The following TRIM55 variants were observed in gnomAD, a reference collection of about 807,000 sequenced individuals.
TRIM55 encodes the protein tripartite motif-containing protein 55.
TRIM55 carries 50 observed loss-of-function variants against 60.9 expected under a neutral mutation model. The ratio of observed to expected loss-of-function variants is 0.82; its 90% CI spans 0.65 to 1.04. The LOEUF (loss-of-function observed/expected upper bound fraction) is 1.04, where lower values mean the gene tolerates loss of function less well. Ranked by LOEUF, TRIM55 falls within the 50% of genes least tolerant of loss-of-function variation. TRIM55 has a pLI of 0.00. For missense variants in TRIM55, 681 were observed against 666.9 expected, an observed-to-expected ratio of 1.02 and a Z score of -0.23; for synonymous variants, 237 against 238.1, an observed-to-expected ratio of 1.00 and a Z score of 0.04.
intron 4 of TRIM55, among the ~76,000 whole-genome samples, chr8:66,138,842 G>A (rs1350593609): frequency 6.6e-6 from 1 of 152,190 alleles, no homozygotes; most frequent in African/African-American, 2.4e-5. Flanking sequence ...CACAGTGCCT[G>A]GCATGTGGTG....
intron 9 of TRIM55, among the ~76,000 whole-genome samples, chr8:66,169,625 T>C (rs1368610630): frequency 6.6e-6 from 1 of 150,608 alleles, no homozygotes; most frequent in Non-Finnish European, 1.5e-5. Context: ...GAAGCATAAA[T>C]ACAAGACATT....
chr8:66,133,683 C>CTAATCTCAAGTAATTGACGT (rs1280823608), intron 2 of TRIM55, among the ~76,000 whole-genome samples: 28 of 152,278 alleles, frequency 1.8e-4, no homozygotes, highest in African/African-American at 6.5e-4. Flanking sequence ...AATGTTTAGC[C>CTAATCTCAAGTAATTGACGT]TAATCTCAAG....
intron 4 of TRIM55, among the ~76,000 whole-genome samples, chr8:66,146,208 G>A (rs191638011): frequency 3.3e-5 from 5 of 152,086 alleles, no homozygotes; most frequent in East Asian, 1.9e-4. Context: ...AGCATAGACC[G>A]CATATGGGGT....
At chr8:66,131,401 T>A (rs1175053122) in intron 2 of TRIM55, among the ~76,000 whole-genome samples, 1 of 152,234 alleles carries the variant, frequency 6.6e-6, no homozygotes, top group Non-Finnish European at 1.5e-5. Context: ...TTATCACCAA[T>A]GACATGTGCA....
intron 9 of TRIM55, among the ~76,000 whole-genome samples, chr8:66,157,073 G>C (rs1056684215): frequency 2.0e-5 from 3 of 152,128 alleles, no homozygotes; most frequent in South Asian, 2.1e-4. Context: ...CTGAGAATTC[G>C]GGTTTAGGGC....
intron 6 of TRIM55, 29 bp downstream of exon 6, chr8:66,150,268 G>C (rs908736460): frequency 6.2e-7 from 1 of 1,612,624 alleles, no homozygotes; most frequent in South Asian, 1.1e-5. Context: ...ATGTAAAAAT[G>C]CATATTTTCA....
intron 4 of TRIM55, among the ~76,000 whole-genome samples, chr8:66,148,382 A>G (rs1810219938): frequency 6.6e-6 from 1 of 152,262 alleles, no homozygotes; most frequent in South Asian, 2.1e-4. Flanking sequence ...ATTCTTAGGC[A>G]GTATTGGATA....
intron 9 of TRIM55, among the ~76,000 whole-genome samples, chr8:66,168,777 T>C (rs1811460053): frequency 6.6e-6 from 1 of 152,202 alleles, no homozygotes; most frequent in Non-Finnish European, 1.5e-5. Context: ...TGGCGTAAAT[T>C]TCCTCAAGGC....
chr8:66,116,923 G>A, the TRIM55 span, among the ~76,000 whole-genome samples: 1 of 152,126 alleles, frequency 6.6e-6, no homozygotes, highest in South Asian at 2.1e-4. Context: ...TTTTAGCTAA[G>A]TAAATCCAAC....
At chr8:66,172,458 CATTGGTCCAT>C (rs1811696058) in intron 9 of TRIM55, among the ~76,000 whole-genome samples, 1 of 152,162 alleles carries the variant, frequency 6.6e-6, no homozygotes, top group African/African-American at 2.4e-5. Flanking sequence ...TGAAAGATAG[CATTGGTCCAT>C]ATTGTTTGGA....
chr8:66,123,136 A>G (rs950176356), upstream of TRIM55, among the ~76,000 whole-genome samples: 1 of 152,210 alleles, frequency 6.6e-6, no homozygotes, highest in Non-Finnish European at 1.5e-5. Context: ...ATATCTTACT[A>G]TAAATTCCAG....
At position 66,127,352 on chromosome 8, in the gene TRIM55, C is replaced by A; in HGVS notation, c.84C>A (p.Ile28=). The stretch of plus-strand genomic sequence containing the variant: ...TAGAGAAGCAACTCATCTGTCCCAT[C>A]TGCTTAGAGATGTTCACGAAACCTG... ...DNLEKQLICP[I]CLEMFTKPVV... The change falls in exon 1 of 10, where the codon ATC becomes ATA. Residue 28 remains isoleucine, a synonymous_variant. Transcript: ENST00000315962. 3 of 1,614,166 alleles carry A rather than the reference C, an allele frequency of 1.9e-6. No homozygotes were observed. The highest frequency in any genetic ancestry group is 2.5e-6 in the Non-Finnish European group (3 of 1,180,030).
chr8:66,124,323 C>T (rs1159102013), upstream of TRIM55, among the ~76,000 whole-genome samples: 2 of 152,220 alleles, frequency 1.3e-5, no homozygotes, highest in Non-Finnish European at 2.9e-5. Context: ...CTTTTAACGA[C>T]TTCCTGCTGC....
intron 9 of TRIM55, among the ~76,000 whole-genome samples, chr8:66,173,659 A>G (rs1811762913): frequency 6.6e-6 from 1 of 152,174 alleles, no homozygotes; most frequent in Admixed American, 6.5e-5. Context: ...CTTGAAATGT[A>G]AAGAGTTTGA....
At chr8:66,132,452 C>CA (rs1239453419) in intron 2 of TRIM55, among the ~76,000 whole-genome samples, 3 of 151,826 alleles carry the variant, frequency 2.0e-5, no homozygotes, top group South Asian at 2.1e-4. Flanking sequence ...AACTCCATCT[C>CA]AAAAAAAATA....
chr8:66,161,115 T>C (rs1811027082), intron 9 of TRIM55, among the ~76,000 whole-genome samples: 1 of 152,068 alleles, frequency 6.6e-6, no homozygotes, highest in African/African-American at 2.4e-5. Context: ...TCTAGAAGGG[T>C]TTTTCTGATG....
At chr8:66,171,216 T>C (rs974330246) in intron 9 of TRIM55, among the ~76,000 whole-genome samples, 14 of 152,168 alleles carry the variant, frequency 9.2e-5, no homozygotes, top group Non-Finnish European at 1.9e-4. Flanking sequence ...TAGTTGTTTT[T>C]CCTGATTCTC....
intron 9 of TRIM55, among the ~76,000 whole-genome samples, chr8:66,169,343 A>G (rs1811494024): frequency 6.6e-6 from 1 of 152,208 alleles, no homozygotes; most frequent in East Asian, 1.9e-4. Context: ...GATCCTGGGG[A>G]CTAATCTGCA....
the TRIM55 span, chr8:66,113,468 C>T: frequency 2.6e-5 from 12 of 455,134 alleles, no homozygotes; most frequent in Middle Eastern, 3.3e-4. Flanking sequence ...GAGACAAGTG[C>T]GGTTTTTTTC....
Sources: allele counts gnomAD v4.1 joint callset (sites outside exome capture counted in the v4.1 genomes callset), GRCh38; gene constraint gnomAD v4.1.1; transcripts MANE v1.5; gene names NCBI Gene and HGNC (gene_info 2026-07-23, HGNC 2026-07-21).